The following CFAP46 variants were observed in gnomAD, a reference collection of about 807,000 sequenced individuals.
The protein encoded by CFAP46 is cilia- and flagella-associated protein 46.
In CFAP46, 245 loss-of-function variants were observed where a neutral mutation model predicts 325.7. The observed-to-expected ratio is 0.75, with a 90% CI of 0.68 to 0.84. The LOEUF (loss-of-function observed/expected upper bound fraction) is 0.84, where lower values mean the gene tolerates loss of function less well. Ranked by LOEUF, CFAP46 falls within the 40% of genes least tolerant of loss-of-function variation. The pLI, the probability that CFAP46 is intolerant of heterozygous loss-of-function variation, is 0.00. For synonymous variants in CFAP46, 1,523 were observed against 1,495.9 expected, an observed-to-expected ratio of 1.02 and a Z score of -0.42; for missense variants, 3,346 against 3,543.0, an observed-to-expected ratio of 0.94 and a Z score of 1.41.
At chr10:132,908,312 C>G (rs146777408) in intron 22 of CFAP46, 156 bp downstream of exon 22, 98 of 822,424 alleles carry the variant, frequency 1.2e-4, no homozygotes, top group Non-Finnish European at 1.7e-4. Flanking sequence ...GGCGCTCACA[C>G]GCGCCCTGAT....
intron 8 of CFAP46, among the ~76,000 whole-genome samples, chr10:132,932,713 G>T (rs749656257): frequency 2.0e-5 from 3 of 150,812 alleles, no homozygotes; most frequent in Non-Finnish European, 4.4e-5. Flanking sequence ...CACCAATCAG[G>T]GTCTTTGCAG....
At chr10:132,826,902 G>T (rs1462052404) in intron 50 of CFAP46, among the ~76,000 whole-genome samples, 1 of 152,278 alleles carries the variant, frequency 6.6e-6, no homozygotes, top group Non-Finnish European at 1.5e-5. Context: ...ACAGTCAGGA[G>T]GGTGGGCGCT....
At chr10:132,810,784 T>A (rs1847565056) in intron 56 of CFAP46, 166 bp downstream of exon 56, 1 of 764,392 alleles carries the variant, frequency 1.3e-6, no homozygotes, top group African/African-American at 1.7e-5. Context: ...CCCCTCCCCA[T>A]GCACAGCCAC....
At chr10:132,823,583 G>A (rs560574197) in intron 50 of CFAP46, among the ~76,000 whole-genome samples, 149 of 110,906 alleles carry the variant, frequency 1.3e-3, no homozygotes, top group Non-Finnish European at 2.3e-3. Context: ...GTGTGCTGAC[G>A]TGTGCTGTGT....
At chr10:132,904,263 A>G (rs2135501460) in intron 22 of CFAP46, among the ~76,000 whole-genome samples, 1 of 152,350 alleles carries the variant, frequency 6.6e-6, no homozygotes, top group South Asian at 2.1e-4. Context: ...CAGCGAGGTG[A>G]CCACATCATC....
At chr10:132,938,540 G>C in intron 5 of CFAP46, 49 bp downstream of exon 5, 1 of 1,591,282 alleles carries the variant, frequency 6.3e-7, no homozygotes, top group Non-Finnish European at 8.6e-7. Context: ...CTCAGAGCCA[G>C]AGGGCGGCCC....
In CFAP46 at chr10:132,929,625, T is replaced by C. The variant is rs769326760; in HGVS notation, c.966+80A>G. 39 of 1,353,166 alleles carry C rather than the reference T, an allele frequency of 2.9e-5. No homozygotes were observed. The Admixed American group carries it at 3.4e-4, about 12-fold the overall frequency. 83.8% of individuals were successfully genotyped at this position (1,353,166 alleles called of 1,614,324 possible). ...TGGGGGCCGTGGCCTGGTGAACTGC[T>C]CTTCCTTTCTTTGCCTTTTGTCCAA... On this transcript the variant is annotated intron_variant, in intron 9 of 57. Transcript: ENST00000368586.
At position 132,910,081 on chromosome 10, in the gene CFAP46, T is replaced by A. The variant is rs1260698480; in HGVS notation, c.2500-13A>T. 1.4e-6 allele frequency: 2 copies of A among 1,410,746 alleles called. No individual in the cohort carries two copies. Among genetic ancestry groups the A allele is most frequent in the Non-Finnish European group, 9.3e-7 (1 of 1,077,902 alleles). 87.4% of individuals were successfully genotyped at this position (1,410,746 alleles called of 1,614,324 possible). A position where few individuals can be genotyped will look rare whatever the true frequency, so the allele number is the denominator to read the frequency against. On this transcript the variant is annotated splice_polypyrimidine_tract_variant and intron_variant, in intron 19 of 57. Coordinates refer to ENST00000368586, the MANE Select transcript of CFAP46 (RefSeq NM_001200049.3). ...CAAACTCGCAGACCTAGGACAGACG[T>A]GTTCTCGGTCACGAAACCTGAATTC...
rs573779498 is a variant in CFAP46, at chr10:132,876,868, C to T, written c.4306G>A (p.Val1436Ile). 1.9e-5 allele frequency: 30 copies of T among 1,550,500 alleles called. 1 individual carries two copies. The African/African-American group carries it at 2.5e-4, about 13-fold the overall frequency. ...SYSCPEEVLS[V>I]LKQDRSDSTV... ...GAGTCACTTCTGTCCTGTTTCAGTA[C>T]AGACAGCACTTCCTCGGGGCAGGAG... The change falls in exon 31 of 58, where the codon GTA (valine) becomes ATA (isoleucine). Residue 1436 changes from valine (V) to isoleucine (I), a missense_variant. Physicochemically the swap from Val to Ile is conservative, Grantham distance 29. Transcript: ENST00000368586. This position sits in a 1 kb window ranked among gnomAD's most constrained non-coding sequence, Gnocchi z 4.1.
chr10:132,869,599 C>T lies in CFAP46; in HGVS notation c.4512-227G>A, dbSNP rs12262539. ...CTCCCGCTCCTTCACAGATCTCGTG[C>T]GAGGCATTATCTGTTGCCTCCTGGA... On this transcript the variant is annotated intron_variant, in intron 32 of 57. Coordinates refer to ENST00000368586, the MANE Select transcript of CFAP46 (RefSeq NM_001200049.3). This position sits in a 1 kb window ranked among gnomAD's most constrained non-coding sequence, Gnocchi z 6.2. Among the ~76,000 whole-genome samples the T allele has an allele frequency of 0.011, 1,602 of 152,286 alleles. 24 individuals are homozygous for T. Among genetic ancestry groups the T allele is most frequent in the African/African-American group, 0.035 (1,474 of 41,538 alleles).
At chr10:132,942,318 T>A in intron 1 of CFAP46, 118 bp downstream of exon 1, 2 of 809,392 alleles carry the variant, frequency 2.5e-6, no homozygotes, top group Non-Finnish European at 3.2e-6. Flanking sequence ...GCTGTGGCCC[T>A]CGAGGGATCA....
chr10:132,908,718 G>A (rs938069397), intron 21 of CFAP46, 84 bp from the exon 22 acceptor site: 52 of 1,421,964 alleles, frequency 3.7e-5, no homozygotes, highest in African/African-American at 1.7e-4. Flanking sequence ...ACCACGCAGC[G>A]CATGTGATCC....
intron 44 of CFAP46, among the ~76,000 whole-genome samples, chr10:132,839,699 A>T (rs923530466): frequency 6.6e-5 from 10 of 152,208 alleles, no homozygotes; most frequent in Non-Finnish European, 1.3e-4. Context: ...TCTTAATTTT[A>T]AAAATCATGA....
intron 35 of CFAP46, among the ~76,000 whole-genome samples, chr10:132,865,271 A>G (rs1474015376): frequency 6.6e-6 from 1 of 152,186 alleles, no homozygotes; most frequent in Non-Finnish European, 1.5e-5. Context: ...GCCTCCATCC[A>G]TCTGGCTTTT....
intron 48 of CFAP46, 114 bp downstream of exon 48, chr10:132,834,540 T>C (rs1185717551): frequency 1.2e-5 from 18 of 1,463,850 alleles, no homozygotes; most frequent in Non-Finnish European, 1.1e-5. Context: ...CGCCGAGTCC[T>C]GAACAAAGGC....
At chr10:132,936,215 A>C (rs1591101643) in intron 7 of CFAP46, among the ~76,000 whole-genome samples, 2 of 76,018 alleles carry the variant, frequency 2.6e-5, no homozygotes, top group Non-Finnish European at 5.1e-5. Context: ...TGATCTCCTC[A>C]CTCCCCTCGG....
chr10:132,846,566 G>A (rs868161897), intron 43 of CFAP46, among the ~76,000 whole-genome samples: 3 of 148,700 alleles, frequency 2.0e-5, no homozygotes, highest in South Asian at 4.3e-4. Flanking sequence ...GTGTCTGCCC[G>A]ATCCTCTGTG....
rs1849365673 is a variant in CFAP46, at chr10:132,899,557, T to G, written c.3034A>C (p.Lys1012Gln). The change falls in exon 23 of 58, where the codon AAG becomes CAG. Residue 1012 changes from lysine (K) to glutamine (Q), a missense_variant. Lys to Gln is a moderately conservative substitution (Grantham distance 53, BLOSUM62 1). Coordinates refer to ENST00000368586, the MANE Select transcript of CFAP46 (RefSeq NM_001200049.3). ...GRKQLRLVAA[K>Q]AFTESARFGG... is the part of the protein sequence containing the mutation. ...CACCTGGCGCTCTCCGTGAAGGCCT[T>G]GGCTGCCACCAGTCGCAGCTGCTTC... 1.3e-6 allele frequency: 2 copies of G among 1,548,976 alleles called. No individual in the cohort carries two copies. The highest frequency in any genetic ancestry group is 1.7e-6 in the Non-Finnish European group (2 of 1,146,806).
chr10:132,895,699 TAGAA>T (rs1339496566), intron 24 of CFAP46, among the ~76,000 whole-genome samples: 3 of 152,184 alleles, frequency 2.0e-5, no homozygotes, highest in African/African-American at 2.4e-5. Context: ...AAAATGAAAT[TAGAA>T]AGAAAGTTCT....
Sources: allele counts gnomAD v4.1 joint callset (sites outside exome capture counted in the v4.1 genomes callset), GRCh38; gene constraint gnomAD v4.1.1; non-coding constraint Gnocchi (gnomAD v3.1); transcripts MANE v1.5; gene names NCBI Gene and HGNC (gene_info 2026-07-23, HGNC 2026-07-21).